The following DPP10 variants were observed in gnomAD, a reference collection of about 807,000 sequenced individuals.
DPP10 encodes dipeptidyl peptidase like 10.
In DPP10, 33 loss-of-function variants were observed where a neutral mutation model predicts 120.9. The observed-to-expected ratio is 0.27, with a 90% CI of 0.21 to 0.37. The LOEUF is 0.37. Among genes scored for constraint, DPP10 ranks in the 10% least tolerant of loss-of-function variants. The probability of loss-of-function intolerance (pLI) is 1.00; values close to 1 mark genes in which losing one functional copy is unlikely to be tolerated. For synonymous variants in DPP10, 337 were observed against 326.1 expected (o/e 1.03, Z -0.36); for missense variants, 816 against 942.8 (o/e 0.87, Z 1.76).
chr2:115,582,414 T>G (rs2082051417), intron 5 of DPP10, among the ~76,000 whole-genome samples: 1 of 152,174 alleles, frequency 6.6e-6, no homozygotes, highest in Non-Finnish European at 1.5e-5. Context: ...AGGAAGCTGC[T>G]CATCACCAGC....
In DPP10 at chr2:115,723,721, A is replaced by T. The variant is rs545546720; in HGVS notation, c.577-4095A>T. Reference sequence around the variant, plus strand: ...TTGCCATTTTATATTCCCAAATGGGAATAACACATTATAATTTCACAACTA... The same window carrying T: ...TTGCCATTTTATATTCCCAAATGGGTATAACACATTATAATTTCACAACTA... On this transcript the variant is annotated intron_variant, in intron 7 of 25. Transcript: ENST00000410059. Among the ~76,000 whole-genome samples, 291 of 151,820 alleles carry T rather than the reference A, an allele frequency of 1.9e-3. 1 individual carries two copies. Among genetic ancestry groups the T allele is most frequent in the Non-Finnish European group, 3.0e-3 (201 of 67,968 alleles).
intron 5 of DPP10, among the ~76,000 whole-genome samples, chr2:115,615,121 C>G (rs747339927): frequency 6.6e-6 from 1 of 151,832 alleles, no homozygotes; most frequent in Non-Finnish European, 1.5e-5. Context: ...TACATTATAC[C>G]TACTTTAATT....
At position 115,030,658 on chromosome 2, in the gene DPP10, C is replaced by T. The variant is rs549270624; in HGVS notation, c.61-278581C>T. On this transcript the variant is annotated intron_variant, in intron 1 of 25. Coordinates refer to ENST00000410059, the MANE Select transcript of DPP10 (RefSeq NM_020868.6). ...CTCCCACTCCTCACCTTCAAACAGGCCCCAATGTGTGTTGTTCCCCACCAT... is the reference window on the plus strand; with the variant it reads ...CTCCCACTCCTCACCTTCAAACAGGTCCCAATGTGTGTTGTTCCCCACCAT... Among the ~76,000 whole-genome samples the T allele has an allele frequency of 3.3e-5, 5 of 152,130 alleles. No homozygotes were observed. The East Asian group carries it at 9.6e-4, about 29-fold the overall frequency.
chr2:115,121,272 T>C (rs1039101568), intron 1 of DPP10, among the ~76,000 whole-genome samples: 1 of 152,182 alleles, frequency 6.6e-6, no homozygotes, highest in Non-Finnish European at 1.5e-5. Context: ...AATATAAAGG[T>C]GTGTGAATCT....
intron 1 of DPP10, among the ~76,000 whole-genome samples, chr2:115,029,461 T>C (rs1703694641): frequency 6.6e-6 from 1 of 151,822 alleles, no homozygotes; most frequent in African/African-American, 2.4e-5. Flanking sequence ...TTAGCGTTTT[T>C]TTTTTTCTTT....
intron 19 of DPP10, among the ~76,000 whole-genome samples, chr2:115,805,211 G>A (rs1162583564): frequency 6.6e-6 from 1 of 152,130 alleles, no homozygotes; most frequent in Non-Finnish European, 1.5e-5. Flanking sequence ...AGGCTCGGTG[G>A]GCTTAGGACC....
chr2:115,459,065 G>C (rs1169704066), intron 3 of DPP10, among the ~76,000 whole-genome samples: 1 of 151,990 alleles, frequency 6.6e-6, no homozygotes, highest in Non-Finnish European at 1.5e-5. Context: ...GCATTGGTTA[G>C]CAACTGTATT....
intron 1 of DPP10, chr2:114,707,148 T>A (rs1700734764): frequency 6.6e-6 from 1 of 152,098 alleles, no homozygotes; most frequent in Non-Finnish European, 1.5e-5. Flanking sequence ...GCCCATTAAA[T>A]GGAGTTATGA....
intron 1 of DPP10, among the ~76,000 whole-genome samples, chr2:114,459,157 A>G (rs1020787325): frequency 1.3e-5 from 2 of 152,186 alleles, no homozygotes; most frequent in Non-Finnish European, 2.9e-5. Context: ...ATGAGTGTTG[A>G]AGATATTGGG....
chr2:115,330,914 T>C (rs1237583156), intron 2 of DPP10, among the ~76,000 whole-genome samples: 1 of 152,154 alleles, frequency 6.6e-6, no homozygotes, highest in Admixed American at 6.5e-5. Flanking sequence ...TGTGGGCTCT[T>C]TTTTGGTTCC....
At chr2:115,013,183 A>G (rs898100559) in intron 1 of DPP10, among the ~76,000 whole-genome samples, 1 of 152,224 alleles carries the variant, frequency 6.6e-6, no homozygotes, top group Admixed American at 6.5e-5. Context: ...CTTGTAAGGC[A>G]GGCCTGGTGG....
At chr2:115,231,910 G>T (rs2057753201) in intron 1 of DPP10, among the ~76,000 whole-genome samples, 1 of 152,198 alleles carries the variant, frequency 6.6e-6, no homozygotes, top group South Asian at 2.1e-4. Flanking sequence ...GCACAAATTA[G>T]AATAGGGCCT....
At chr2:114,713,265 G>A (rs777229960) in intron 1 of DPP10, among the ~76,000 whole-genome samples, 32 of 152,118 alleles carry the variant, frequency 2.1e-4, no homozygotes, top group Non-Finnish European at 4.3e-4. Flanking sequence ...TGGGATTACA[G>A]GCGTGAGCCA....
In DPP10 at chr2:115,259,724, T is replaced by A. The variant is rs577539456; in HGVS notation, c.61-49515T>A. On this transcript the variant is annotated intron_variant, in intron 1 of 25. Coordinates refer to ENST00000410059, the MANE Select transcript of DPP10 (RefSeq NM_020868.6). ...AGACATATTGCTGCCCTAAGTACTA[T>A]TCTTGGATGACCATTTAGCGGCCTC... Among the ~76,000 whole-genome samples, 373 of 152,270 alleles carry A rather than the reference T, an allele frequency of 2.4e-3. 2 individuals are homozygous for A. Among genetic ancestry groups the A allele is most frequent in the Non-Finnish European group, 4.5e-3 (304 of 68,016 alleles).
intron 1 of DPP10, among the ~76,000 whole-genome samples, chr2:115,156,971 C>T (rs892939189): frequency 1.3e-5 from 2 of 151,570 alleles, no homozygotes; most frequent in African/African-American, 4.8e-5. Flanking sequence ...TTTACTGTGC[C>T]GACATAACCA....
chr2:114,474,983 A>G (rs552366927), intron 1 of DPP10, among the ~76,000 whole-genome samples: 1 of 152,342 alleles, frequency 6.6e-6, no homozygotes, highest in East Asian at 1.9e-4. Flanking sequence ...GCTTCTGTGC[A>G]TCAGCTATTT....
intron 5 of DPP10, among the ~76,000 whole-genome samples, chr2:115,614,710 G>A (rs7576503): frequency 0.36 from 55,051 of 151,964 alleles, 10,542 homozygotes; most frequent in African/African-American, 0.46. Context: ...AGGCTAGGGG[G>A]AGGAATTCTA....
intron 21 of DPP10, among the ~76,000 whole-genome samples, chr2:115,826,004 G>GA (rs1688273092): frequency 6.6e-6 from 1 of 152,348 alleles, no homozygotes; most frequent in African/African-American, 2.4e-5. Context: ...AGGAACAGTT[G>GA]AAAAATAACT....
intron 1 of DPP10, among the ~76,000 whole-genome samples, chr2:114,805,911 T>G (rs1470919875): frequency 6.6e-6 from 1 of 152,202 alleles, no homozygotes; most frequent in Admixed American, 6.5e-5. Context: ...AATTCTATCA[T>G]GTACCCTCAT....
Sources: gnomAD v4.1 joint callset for allele counts (sites outside exome capture counted in the v4.1 genomes callset) on GRCh38, gnomAD v4.1.1 for gene constraint, MANE v1.5 for transcripts, NCBI Gene and HGNC (gene_info 2026-07-23, HGNC 2026-07-21) for gene names.